The following DNER variants were observed in gnomAD, a reference collection of about 807,000 sequenced individuals.
DNER encodes delta/notch like EGF repeat containing, also known as delta and Notch-like epidermal growth factor-related receptor.
A neutral mutation model predicts 78.2 loss-of-function variants in DNER; 33 were observed. The observed-to-expected ratio is 0.42, with a 90% confidence interval of 0.32 to 0.56. DNER has a LOEUF of 0.56. DNER is among the 20% of genes least tolerant of loss of function. The probability of loss-of-function intolerance (pLI) is 0.11; values close to 1 mark genes in which losing one functional copy is unlikely to be tolerated. For missense variants in DNER, 918 were observed against 975.3 expected, an observed-to-expected ratio of 0.94 and a Z score of 0.78; for synonymous variants, 417 against 384.8, an observed-to-expected ratio of 1.08 and a Z score of -0.98.
At chr2:229,412,683 C>T (rs1574831929) in intron 9 of DNER, among the ~76,000 whole-genome samples, 1 of 152,164 alleles carries the variant, frequency 6.6e-6, no homozygotes, top group East Asian at 1.9e-4. Flanking sequence ...GCCTGGAGAC[C>T]CACGTCATTC....
At chr2:229,647,146 G>A (rs1182365524) in intron 1 of DNER, among the ~76,000 whole-genome samples, 5 of 152,140 alleles carry the variant, frequency 3.3e-5, no homozygotes, top group African/African-American at 4.8e-5. Flanking sequence ...CAGCCTGGGC[G>A]ACAGAGCAAG....
At chr2:229,642,391 T>C (rs1442562094) in intron 1 of DNER, among the ~76,000 whole-genome samples, 1 of 152,168 alleles carries the variant, frequency 6.6e-6, no homozygotes, top group Non-Finnish European at 1.5e-5. Flanking sequence ...GAGGCATCAA[T>C]TCCCCCTGCA....
intron 1 of DNER, among the ~76,000 whole-genome samples, chr2:229,696,315 G>A (rs531223990): frequency 1.3e-5 from 2 of 152,314 alleles, no homozygotes; most frequent in South Asian, 2.1e-4. Context: ...GATGATTGAC[G>A]GGGAGGCTGT....
intron 4 of DNER, among the ~76,000 whole-genome samples, chr2:229,567,753 C>T (rs1451787864): frequency 2.6e-5 from 4 of 152,200 alleles, no homozygotes; most frequent in Non-Finnish European, 5.9e-5. Context: ...CTGATTGTCC[C>T]TGTTCCCAAT....
intron 6 of DNER, among the ~76,000 whole-genome samples, chr2:229,490,772 T>C (rs1432321254): frequency 6.6e-6 from 1 of 152,162 alleles, no homozygotes; most frequent in African/African-American, 2.4e-5. Flanking sequence ...AAACAAACTT[T>C]GGAGTCATTC....
chr2:229,548,905 T>C (rs1696676506), intron 4 of DNER, among the ~76,000 whole-genome samples: 3 of 152,268 alleles, frequency 2.0e-5, no homozygotes, highest in African/African-American at 7.2e-5. Context: ...TTAAATTATA[T>C]GTACATAGCT....
intron 11 of DNER, among the ~76,000 whole-genome samples, chr2:229,382,672 C>A (rs962974767): frequency 8.6e-5 from 13 of 151,560 alleles, no homozygotes; most frequent in Non-Finnish European, 1.9e-4. Context: ...ATATAAGAGA[C>A]TGAAGACCAA....
At chr2:229,613,669 ATT>A (rs78857051) in intron 1 of DNER, among the ~76,000 whole-genome samples, 1 of 149,216 alleles carries the variant, frequency 6.7e-6, no homozygotes, top group African/African-American at 2.5e-5. Context: ...TTTCCTGGGT[ATT>A]TTTTTTTTCT....
chr2:229,500,897 G>A (rs1036646864), intron 6 of DNER, among the ~76,000 whole-genome samples: 2 of 151,708 alleles, frequency 1.3e-5, no homozygotes, highest in Non-Finnish European at 2.9e-5. Context: ...TCATTCTTAT[G>A]CCTTTGCATT....
At chr2:229,598,192 G>A (rs1365855714) in intron 1 of DNER, among the ~76,000 whole-genome samples, 1 of 152,258 alleles carries the variant, frequency 6.6e-6, no homozygotes, top group African/African-American at 2.4e-5. Context: ...TTACCTGGAT[G>A]ATGGTGGGGC....
intron 1 of DNER, among the ~76,000 whole-genome samples, chr2:229,698,454 G>A (rs1470064984): frequency 6.6e-6 from 1 of 152,110 alleles, no homozygotes; most frequent in Non-Finnish European, 1.5e-5. Flanking sequence ...ATTCCCACAG[G>A]CTCTACTTGC....
At chr2:229,378,224 A>G (rs985483494) in intron 11 of DNER, among the ~76,000 whole-genome samples, 4 of 152,164 alleles carry the variant, frequency 2.6e-5, no homozygotes, top group African/African-American at 9.7e-5. Flanking sequence ...CCCATTTTGC[A>G]CTTTTGCCTT....
intron 5 of DNER, among the ~76,000 whole-genome samples, chr2:229,523,141 T>A (rs185316969): frequency 1.6e-4 from 24 of 152,338 alleles, no homozygotes; most frequent in Admixed American, 3.9e-4. Flanking sequence ...CCCTAAGGCC[T>A]CATCCACTCT....
chr2:229,713,262 T>A (rs1699935298), intron 1 of DNER, among the ~76,000 whole-genome samples: 1 of 152,234 alleles, frequency 6.6e-6, no homozygotes, highest in Non-Finnish European at 1.5e-5. Flanking sequence ...AATGTTGATG[T>A]TAATAGGTTT....
chr2:229,561,776 A>T (rs2154213620), intron 4 of DNER, among the ~76,000 whole-genome samples: 1 of 152,322 alleles, frequency 6.6e-6, no homozygotes, highest in African/African-American at 2.4e-5. Context: ...CTGCGGGAAT[A>T]ACTGCTAATT....
chr2:229,594,327 G>A (rs963596489), intron 1 of DNER, among the ~76,000 whole-genome samples: 2 of 152,170 alleles, frequency 1.3e-5, no homozygotes, highest in Admixed American at 6.5e-5. Context: ...GGTGGCTCAC[G>A]CCTGTAACCC....
chr2:229,479,145 GC>G, intron 6 of DNER, among the ~76,000 whole-genome samples: 1 of 152,130 alleles, frequency 6.6e-6, no homozygotes, highest in Non-Finnish European at 1.5e-5. Context: ...GGACATGATC[GC>G]ATTCCTTTTT....
At chr2:229,366,324 C>A (rs765047150) in intron 12 of DNER, among the ~76,000 whole-genome samples, 7 of 152,130 alleles carry the variant, frequency 4.6e-5, no homozygotes, top group Non-Finnish European at 1.0e-4. Flanking sequence ...AGTCAGGTAA[C>A]GGAGTCATTA....
chr2:229,585,107 T>G (rs1697474458), intron 4 of DNER, among the ~76,000 whole-genome samples: 1 of 152,084 alleles, frequency 6.6e-6, no homozygotes, highest in African/African-American at 2.4e-5. Flanking sequence ...CAGTGGCAAA[T>G]CACTGTGAGG....
Sources: allele counts gnomAD v4.1 joint callset (sites outside exome capture counted in the v4.1 genomes callset), GRCh38; gene constraint gnomAD v4.1.1; transcripts MANE v1.5; gene names NCBI Gene and HGNC (gene_info 2026-07-23, HGNC 2026-07-21).